C4orf36: variants seen among roughly 807,000 people sequenced by gnomAD.
The protein encoded by C4orf36 is chromosome 4 open reading frame 36, also known as uncharacterized protein C4orf36.
In C4orf36, 11 loss-of-function variants were observed where a neutral mutation model predicts 12.2. That is an observed-to-expected ratio of 0.90 (90% CI 0.57 to 1.49). The LOEUF (loss-of-function observed/expected upper bound fraction) is 1.49. C4orf36 is among the 40% of genes most tolerant of loss of function. The probability of loss-of-function intolerance (pLI) is 0.00; values close to 1 mark genes in which losing one functional copy is unlikely to be tolerated. For missense variants in C4orf36, 137 were observed against 133.9 expected, an observed-to-expected ratio of 1.02 and a Z score of -0.11; for synonymous variants, 54 against 51.3, an observed-to-expected ratio of 1.05 and a Z score of -0.22.
At position 86,888,222 on chromosome 4, in the gene C4orf36, G is replaced by GC. The variant is rs1560473014; in HGVS notation, c.118dup (p.Ala40GlyfsTer26). 1.2e-6 allele frequency: 2 copies of GC among 1,614,098 alleles called. No individual in the cohort carries two copies. The highest frequency in any genetic ancestry group is 1.7e-6 in the Non-Finnish European group (2 of 1,179,982). The stretch of plus-strand genomic sequence containing the variant: ...TTCCAAGAAAGGCAACTTGATATTG[G>GC]CTAGGTTTGTGGACCAGGTCTTTGC... On this transcript the variant is annotated frameshift_variant, in exon 3 of 5. Coordinates refer to ENST00000295898, the MANE Select transcript of C4orf36 (RefSeq NM_144645.4). LOFTEE classifies it high-confidence loss of function.
At chr4:86,891,922 G>A in intron 1 of C4orf36, 3 of 897,360 alleles carry the variant, frequency 3.3e-6, no homozygotes, top group Non-Finnish European at 4.1e-6. Context: ...GCGACCAAAG[G>A]CTCTGCCTGC....
intron 4 of C4orf36, among the ~76,000 whole-genome samples, chr4:86,881,514 A>G (rs1560470418): frequency 6.6e-6 from 1 of 152,104 alleles, no homozygotes; most frequent in Non-Finnish European, 1.5e-5. Flanking sequence ...GCTTGAACTT[A>G]GGAGTTCAAA....
chr4:86,921,948 G>T, the C4orf36 span, among the ~76,000 whole-genome samples: 2 of 152,134 alleles, frequency 1.3e-5, no homozygotes, highest in South Asian at 4.1e-4. Flanking sequence ...TTGCCATTTT[G>T]TGATTGTCTT....
intron 4 of C4orf36, chr4:86,886,743 C>A (rs1247915388): frequency 6.6e-6 from 1 of 152,128 alleles, no homozygotes; most frequent in Non-Finnish European, 1.5e-5. Flanking sequence ...TACCATTTGA[C>A]CCAGCCATCC....
Position 86,876,408 on chromosome 4 carries a change from C to G in C4orf36, c.*38G>C. ...CCAGGAGAAGCAGTTCCCGCCGGCG[C>G]TGCTGAGTTTCTTCATCTACAATCC... On this transcript the variant is annotated 3_prime_UTR_variant, in exon 5 of 5. Coordinates refer to ENST00000295898, the MANE Select transcript of C4orf36 (RefSeq NM_144645.4). The G allele has an allele frequency of 6.2e-7, 1 of 1,612,026 alleles. No homozygotes were observed. Among genetic ancestry groups the G allele is most frequent in the Non-Finnish European group, 8.5e-7 (1 of 1,179,222 alleles).
At chr4:86,933,746 CTT>C in the C4orf36 span, among the ~76,000 whole-genome samples, 1 of 152,278 alleles carries the variant, frequency 6.6e-6, no homozygotes, top group East Asian at 1.9e-4. Flanking sequence ...TGTACAAACA[CTT>C]TGTAAGAGAT....
chr4:86,900,209 T>G, the C4orf36 span, among the ~76,000 whole-genome samples: 1 of 152,022 alleles, frequency 6.6e-6, no homozygotes, highest in Non-Finnish European at 1.5e-5. Flanking sequence ...ATTTTTGTAT[T>G]TTTAGTAGAG....
the C4orf36 span, among the ~76,000 whole-genome samples, chr4:86,930,679 A>G: frequency 6.6e-6 from 1 of 152,244 alleles, no homozygotes; most frequent in Non-Finnish European, 1.5e-5. Flanking sequence ...TCAGTTGAAC[A>G]ATACAACTAC....
chr4:86,931,932 G>A, the C4orf36 span, among the ~76,000 whole-genome samples: 1 of 151,994 alleles, frequency 6.6e-6, no homozygotes, highest in African/African-American at 2.4e-5. Context: ...CTACTCAGGA[G>A]GCTGAGGCAG....
chr4:86,878,084 T>G (rs377052165), intron 4 of C4orf36, among the ~76,000 whole-genome samples: 153 of 142,038 alleles, frequency 1.1e-3, no homozygotes, highest in African/African-American at 4.2e-3. Context: ...TTGCATGTGT[T>G]TTTTTTTTTC....
the C4orf36 span, among the ~76,000 whole-genome samples, chr4:86,904,138 A>C: frequency 6.6e-6 from 1 of 152,092 alleles, no homozygotes; most frequent in African/African-American, 2.4e-5. Context: ...CAGCCTGGGC[A>C]CTCCGGTAGC....
At position 86,880,496 on chromosome 4, in the gene C4orf36, T is replaced by A. The variant is rs112953425; in HGVS notation, c.*3-4053A>T. Among the ~76,000 whole-genome samples the A allele has an allele frequency of 3.9e-5, 6 of 152,220 alleles. 1 individual carries two copies. The highest frequency in any genetic ancestry group is 1.4e-4 in the African/African-American group (6 of 41,550). On this transcript the variant is annotated intron_variant, in intron 4 of 4. Transcript: ENST00000295898. ...CAGGCCAGAAGGGAGTGAGGTAATA[T>A]ATTTGAAGTGCTAAAAGGGAAAAAA...
At chr4:86,922,964 T>C in the C4orf36 span, among the ~76,000 whole-genome samples, 7 of 151,564 alleles carry the variant, frequency 4.6e-5, no homozygotes, top group Admixed American at 1.3e-4. Context: ...TTTTTTTTTT[T>C]TAAGAGATAG....
the C4orf36 span, among the ~76,000 whole-genome samples, chr4:86,916,504 T>G: frequency 3.9e-5 from 6 of 152,094 alleles, no homozygotes; most frequent in Non-Finnish European, 8.8e-5. Flanking sequence ...TAATCAAGAT[T>G]AGCCAGGCTG....
intron 2 of C4orf36, among the ~76,000 whole-genome samples, chr4:86,890,474 CAAATA>C (rs1747363904): frequency 3.2e-5 from 3 of 94,516 alleles, no homozygotes; most frequent in Non-Finnish European, 6.7e-5. Context: ...ATACACAATG[CAAATA>C]AAATAATAAT....
At chr4:86,934,721 T>C in the C4orf36 span, 1 of 152,278 alleles carries the variant, frequency 6.6e-6, no homozygotes, top group Non-Finnish European at 1.5e-5. Flanking sequence ...GAGCTTAATC[T>C]CGCCGTAAAG....
the C4orf36 span, among the ~76,000 whole-genome samples, chr4:86,906,504 G>A: frequency 6.6e-6 from 1 of 152,052 alleles, no homozygotes; most frequent in Non-Finnish European, 1.5e-5. Flanking sequence ...AAGGCAGGCA[G>A]ATTGCTTGAG....
At chr4:86,930,509 G>T in the C4orf36 span, among the ~76,000 whole-genome samples, 1 of 152,230 alleles carries the variant, frequency 6.6e-6, no homozygotes, top group Non-Finnish European at 1.5e-5. Context: ...CATTTTCAAG[G>T]AGATTAAATA....
At chr4:86,935,432 C>G in the C4orf36 span, 1 of 152,376 alleles carries the variant, frequency 6.6e-6, no homozygotes, top group African/African-American at 2.4e-5. Flanking sequence ...GCTCAGAGCT[C>G]TCACCGCCCT....
Sources: gnomAD v4.1 joint callset for allele counts (sites outside exome capture counted in the v4.1 genomes callset) on GRCh38, gnomAD v4.1.1 for gene constraint, MANE v1.5 for transcripts, NCBI Gene and HGNC (gene_info 2026-07-23, HGNC 2026-07-21) for gene names.